Variants in BTBD9 observed in about 807,000 individuals in gnomAD.
The protein encoded by BTBD9 is BTB/POZ domain-containing protein 9.
In BTBD9, 49 loss-of-function variants were observed where a neutral mutation model predicts 64.3. That is an observed-to-expected ratio of 0.76 (90% CI 0.61 to 0.97). The LOEUF is 0.97. Among genes scored for constraint, BTBD9 ranks in the 50% least tolerant of loss-of-function variants. BTBD9 has a pLI of 0.00. For missense variants in BTBD9, 598 were observed against 762.1 expected, an observed-to-expected ratio of 0.78 and a Z score of 2.53; for synonymous variants, 260 against 274.7, an observed-to-expected ratio of 0.95 and a Z score of 0.53.
chr6:38,256,343 G>T, intron 9 of BTBD9, 66 bp downstream of exon 9: 1 of 1,167,748 alleles, frequency 8.6e-7, no homozygotes, highest in Non-Finnish European at 1.3e-6. Flanking sequence ...TTTCTTTTGA[G>T]CCTCCCAATC....
In BTBD9 at chr6:38,172,855, C is replaced by T. The variant is rs737172; in HGVS notation, c.*2130G>A. The stretch of plus-strand genomic sequence containing the variant: ...GCGTATTCCTTTTCAGATGCGAGGC[C>T]GAGCTGCCAAGCTGCTATCTCGTTC... On this transcript the variant is annotated 3_prime_UTR_variant, in exon 11 of 11. Transcript: ENST00000481247. 0.086 allele frequency: 13,032 copies of T among 152,372 alleles called. 659 individuals are homozygous for T. Among genetic ancestry groups the T allele is most frequent in the Middle Eastern group, 0.15 (43 of 292 alleles). The allele number at this position is 152,372 out of a possible 1,614,324, so 9.4% of individuals were successfully genotyped here. A position where few individuals can be genotyped will look rare whatever the true frequency, so the allele number is the denominator to read the frequency against.
chr6:38,362,173 G>A (rs1307848665), intron 6 of BTBD9, among the ~76,000 whole-genome samples: 1 of 152,102 alleles, frequency 6.6e-6, no homozygotes, highest in East Asian at 1.9e-4. Flanking sequence ...CAGCTCAAAT[G>A]TCACATATTT....
intron 8 of BTBD9, among the ~76,000 whole-genome samples, chr6:38,276,189 G>A (rs1210541131): frequency 6.6e-6 from 1 of 152,188 alleles, no homozygotes; most frequent in East Asian, 1.9e-4. Flanking sequence ...ATGAGTTCAT[G>A]TCCTTTGTAG....
intron 10 of BTBD9, among the ~76,000 whole-genome samples, chr6:38,190,462 C>CT (rs1762019346): frequency 1.0e-5 from 1 of 96,828 alleles, no homozygotes; most frequent in South Asian, 3.5e-4. Flanking sequence ...GAGTGAAACT[C>CT]TGTCTAAAAA....
intron 6 of BTBD9, among the ~76,000 whole-genome samples, chr6:38,394,051 C>T (rs1276588564): frequency 6.6e-6 from 1 of 152,124 alleles, no homozygotes; most frequent in African/African-American, 2.4e-5. Flanking sequence ...CCCATCTATA[C>T]CTTCCTTCAT....
At chr6:38,197,659 G>A (rs1207953641) in intron 9 of BTBD9, among the ~76,000 whole-genome samples, 3 of 152,206 alleles carry the variant, frequency 2.0e-5, no homozygotes, top group African/African-American at 7.2e-5. Context: ...AGCATGGCAT[G>A]TGGTGAAAGC....
At chr6:38,415,013 A>G (rs1767600082) in intron 6 of BTBD9, among the ~76,000 whole-genome samples, 1 of 152,122 alleles carries the variant, frequency 6.6e-6, no homozygotes, top group African/African-American at 2.4e-5. Context: ...AACCCTAAAC[A>G]TCTAAAATAA....
intron 7 of BTBD9, among the ~76,000 whole-genome samples, chr6:38,303,005 C>T (rs1433210856): frequency 1.3e-5 from 2 of 151,896 alleles, no homozygotes; most frequent in Non-Finnish European, 2.9e-5. Flanking sequence ...TTTATTTTGC[C>T]GTTGAGTTTA....
chr6:38,268,367 A>C (rs936502898), intron 8 of BTBD9, among the ~76,000 whole-genome samples: 13 of 152,298 alleles, frequency 8.5e-5, no homozygotes, highest in African/African-American at 2.9e-4. Context: ...TCAAGTTTTC[A>C]GAAGAATCCG....
At chr6:38,223,047 A>G (rs941227886) in intron 9 of BTBD9, among the ~76,000 whole-genome samples, 4 of 152,126 alleles carry the variant, frequency 2.6e-5, no homozygotes, top group African/African-American at 7.2e-5. Context: ...CTGGGATTAC[A>G]GGTTCCTGCC....
intron 6 of BTBD9, among the ~76,000 whole-genome samples, chr6:38,520,503 A>G (rs1470978141): frequency 1.3e-5 from 2 of 152,146 alleles, no homozygotes; most frequent in Non-Finnish European, 2.9e-5. Flanking sequence ...AAAATTGTCA[A>G]CTTTGGTTAT....
intron 7 of BTBD9, among the ~76,000 whole-genome samples, chr6:38,302,521 A>G (rs926746444): frequency 8.6e-6 from 1 of 115,618 alleles, no homozygotes; most frequent in African/African-American, 3.0e-5. Flanking sequence ...ATATATATAT[A>G]TATCACATTC....
chr6:38,505,964 C>A (rs372628004), intron 6 of BTBD9, among the ~76,000 whole-genome samples: 105 of 82,592 alleles, frequency 1.3e-3, no homozygotes, highest in African/African-American at 2.1e-3. Context: ...TCCGTCTCAA[C>A]AAAAAAAAAA....
intron 8 of BTBD9, among the ~76,000 whole-genome samples, chr6:38,258,750 C>T (rs1448110500): frequency 2.0e-5 from 3 of 152,100 alleles, no homozygotes; most frequent in Non-Finnish European, 4.4e-5. Context: ...ATTAGCCAGG[C>T]GTGGTGGTGG....
At chr6:38,269,470 G>A (rs1287891407) in intron 8 of BTBD9, among the ~76,000 whole-genome samples, 1 of 151,992 alleles carries the variant, frequency 6.6e-6, no homozygotes, top group Non-Finnish European at 1.5e-5. Context: ...TTCAAAGCTG[G>A]GATCACAAGT....
At chr6:38,416,072 T>G (rs1425465353) in intron 6 of BTBD9, among the ~76,000 whole-genome samples, 1 of 152,108 alleles carries the variant, frequency 6.6e-6, no homozygotes, top group Non-Finnish European at 1.5e-5. Flanking sequence ...AAATTACACT[T>G]AACAGAATTC....
At chr6:38,439,110 CTTTTTTTTTTTTT>C (rs35699356) in intron 6 of BTBD9, among the ~76,000 whole-genome samples, 1 of 64,066 alleles carries the variant, frequency 1.6e-5, no homozygotes, top group African/African-American at 6.9e-5. Flanking sequence ...TAGCAACTGA[CTTTTTTTTTTTTT>C]TTTTTTTTTT....
intron 6 of BTBD9, among the ~76,000 whole-genome samples, chr6:38,576,101 C>A (rs1376109896): frequency 6.6e-6 from 1 of 152,078 alleles, no homozygotes; most frequent in Non-Finnish European, 1.5e-5. Flanking sequence ...CCTGTTGTTT[C>A]AAATTAAATG....
intron 6 of BTBD9, among the ~76,000 whole-genome samples, chr6:38,384,889 C>A (rs1001509686): frequency 2.6e-5 from 4 of 151,918 alleles, no homozygotes; most frequent in Admixed American, 6.5e-5. Context: ...CAAGTTCTGT[C>A]CAGTGTTAGT....
Sources: allele counts gnomAD v4.1 joint callset (sites outside exome capture counted in the v4.1 genomes callset), GRCh38; gene constraint gnomAD v4.1.1; transcripts MANE v1.5; gene names NCBI Gene and HGNC (gene_info 2026-07-23, HGNC 2026-07-21).